The following COL4A3 variants were observed in gnomAD, a reference collection of about 807,000 sequenced individuals.
The protein encoded by COL4A3 is collagen type IV alpha 3 chain.
In COL4A3, 135 loss-of-function variants were observed where a neutral mutation model predicts 217.4. That is an observed-to-expected ratio of 0.62 (90% CI 0.54 to 0.72). COL4A3 has a LOEUF of 0.72. COL4A3 is among the 30% of genes least tolerant of loss of function. The probability of loss-of-function intolerance (pLI) is 0.00; values close to 1 mark genes in which losing one functional copy is unlikely to be tolerated. For synonymous variants in COL4A3, 690 were observed against 736.3 expected, an observed-to-expected ratio of 0.94 and a Z score of 1.02; for missense variants, 1,868 against 2,119.9, an observed-to-expected ratio of 0.88 and a Z score of 2.33.
intron 1 of COL4A3, among the ~76,000 whole-genome samples, chr2:227,222,145 AATAATAATAATAATAATAATG>A (rs1260090061): frequency 1.3e-4 from 11 of 85,056 alleles, no homozygotes; most frequent in Admixed American, 1.1e-3. Flanking sequence ...TAATAATAAT[AATAATAATAATAATAATAATG>A]ATAATGATAA....
At chr2:227,251,709 G>A (rs1459556575) in intron 11 of COL4A3, among the ~76,000 whole-genome samples, 3 of 152,144 alleles carry the variant, frequency 2.0e-5, no homozygotes, top group African/African-American at 7.2e-5. Flanking sequence ...AAGCCAACCT[G>A]GTCTTATGCT....
chr2:227,174,079 G>C (rs1371206920), intron 1 of COL4A3, among the ~76,000 whole-genome samples: 1 of 152,196 alleles, frequency 6.6e-6, no homozygotes, highest in Non-Finnish European at 1.5e-5. Flanking sequence ...AAATCAGGCT[G>C]AGTTGTGCAT....
At chr2:227,249,006 T>C (rs975096621) in intron 9 of COL4A3, among the ~76,000 whole-genome samples, 8 of 151,190 alleles carry the variant, frequency 5.3e-5, no homozygotes, top group Non-Finnish European at 1.2e-4. Flanking sequence ...AAGGTTTTTG[T>C]TTAAATGCAA....
intron 47 of COL4A3, 65 bp downstream of exon 47, chr2:227,305,148 G>T (rs544621597): frequency 1.4e-6 from 2 of 1,412,340 alleles, no homozygotes; most frequent in Non-Finnish European, 2.0e-6. Flanking sequence ...AGTCTTGTTC[G>T]AGTGGGTGAC....
At position 227,240,206 on chromosome 2, in the gene COL4A3, G is replaced by C; in HGVS notation, c.208G>C (p.Gly70Arg). The C allele has an allele frequency of 1.2e-6, 2 of 1,611,692 alleles. No individual in the cohort carries two copies. The highest frequency in any genetic ancestry group is 1.7e-6 in the Non-Finnish European group (2 of 1,179,158). Residue 70 changes from glycine to arginine, a missense_variant, in exon 3 of 52, where the codon GGC (glycine) becomes CGC (arginine). Physicochemically the swap from Gly to Arg is moderately radical, Grantham distance 125. Transcript: ENST00000396578. Reference sequence around the variant, plus strand: ...CCAGAAAGGATTCACAGGTCCTGAAGGCTTGCCTGGACCGCAGGGACCCAA... The same window carrying C: ...CCAGAAAGGATTCACAGGTCCTGAACGCTTGCCTGGACCGCAGGGACCCAA... ...PGQKGFTGPE[G>R]LPGPQGPKGF...
intron 1 of COL4A3, among the ~76,000 whole-genome samples, chr2:227,215,752 C>T (rs1254291724): frequency 1.3e-5 from 2 of 152,186 alleles, no homozygotes; most frequent in African/African-American, 4.8e-5. Context: ...AGCCACTGCA[C>T]CGGGCCTATG....
intron 1 of COL4A3, among the ~76,000 whole-genome samples, chr2:227,212,938 C>A (rs1423152398): frequency 6.6e-6 from 1 of 152,200 alleles, no homozygotes; most frequent in Non-Finnish European, 1.5e-5. Context: ...AGACTATAAA[C>A]CTGCTTAAAG....
chr2:227,213,901 C>CAAAA (rs5839195), intron 1 of COL4A3, among the ~76,000 whole-genome samples: 1 of 89,310 alleles, frequency 1.1e-5, no homozygotes, highest in Non-Finnish European at 2.1e-5. Flanking sequence ...AACTCTGTCT[C>CAAAA]AAAAAAAAAA....
At chr2:227,298,349 C>CAA (rs145565120) in intron 42 of COL4A3, among the ~76,000 whole-genome samples, 19 of 151,174 alleles carry the variant, frequency 1.3e-4, no homozygotes, top group African/African-American at 4.4e-4. Context: ...AAAACTGTAT[C>CAA]AAAAAAAAAT....
intron 42 of COL4A3, 117 bp downstream of exon 42, chr2:227,297,976 T>C: frequency 1.7e-6 from 2 of 1,144,728 alleles, no homozygotes; most frequent in Non-Finnish European, 2.6e-6. Context: ...GTCATCTCCA[T>C]TCCCCCACTA....
chr2:227,218,383 G>A (rs192274246), intron 1 of COL4A3, among the ~76,000 whole-genome samples: 86 of 152,108 alleles, frequency 5.7e-4, no homozygotes, highest in Admixed American at 1.2e-3. Flanking sequence ...GGAGAATGGC[G>A]TGAACCCGGG....
chr2:227,200,481 T>C (rs2066642460), intron 1 of COL4A3, among the ~76,000 whole-genome samples: 1 of 152,190 alleles, frequency 6.6e-6, no homozygotes, highest in Non-Finnish European at 1.5e-5. Flanking sequence ...AGTACAGCCA[T>C]AGCACATAGT....
At chr2:227,310,626 G>C (rs1445364869) in intron 50 of COL4A3, 150 bp from the exon 51 acceptor site, 1 of 713,790 alleles carries the variant, frequency 1.4e-6, no homozygotes, top group Non-Finnish European at 2.4e-6. Flanking sequence ...GGCCACATAG[G>C]TGGTTATTTC....
chr2:227,269,888 T>G, intron 23 of COL4A3, 22 bp from the exon 24 acceptor site: 1 of 1,610,462 alleles, frequency 6.2e-7, no homozygotes, highest in Non-Finnish European at 8.5e-7. Context: ...GAGGAGTTAG[T>G]TAATAATTCG....
chr2:227,200,552 G>A (rs779787337), intron 1 of COL4A3, among the ~76,000 whole-genome samples: 2 of 152,164 alleles, frequency 1.3e-5, no homozygotes, highest in Non-Finnish European at 2.9e-5. Context: ...CAAGGAAGGC[G>A]CTGGTGCATG....
chr2:227,228,318 C>T (rs1365932292), intron 1 of COL4A3, among the ~76,000 whole-genome samples: 6 of 152,238 alleles, frequency 3.9e-5, no homozygotes, highest in Admixed American at 1.3e-4. Flanking sequence ...AAGGCAGACA[C>T]GGGCAGAGGC....
chr2:227,202,921 ATGTG>A (rs1491527559), intron 1 of COL4A3, among the ~76,000 whole-genome samples: 2 of 31,842 alleles, frequency 6.3e-5, no homozygotes, highest in African/African-American at 4.0e-4. Flanking sequence ...ATATACATAT[ATGTG>A]TATATATGTG....
At chr2:227,279,539 C>CA (rs1324053389) in intron 28 of COL4A3, 15 of 489,652 alleles carry the variant, frequency 3.1e-5, no homozygotes, top group African/African-American at 2.2e-4. Flanking sequence ...CAACCAGCAT[C>CA]AGTGGTTTGA....
At chr2:227,291,935 A>T (rs2072768570) in intron 37 of COL4A3, among the ~76,000 whole-genome samples, 1 of 152,198 alleles carries the variant, frequency 6.6e-6, no homozygotes, top group Non-Finnish European at 1.5e-5. Flanking sequence ...ACCACTAGAG[A>T]ATGATTAATA....
Sources: allele counts gnomAD v4.1 joint callset (sites outside exome capture counted in the v4.1 genomes callset), GRCh38; gene constraint gnomAD v4.1.1; transcripts MANE v1.5; gene names NCBI Gene and HGNC (gene_info 2026-07-23, HGNC 2026-07-21).